PRXL2B: variants seen among roughly 807,000 people sequenced by gnomAD.
PRXL2B encodes peroxiredoxin like 2B.
In PRXL2B, 26 loss-of-function variants were observed where a neutral mutation model predicts 24.4. That is an observed-to-expected ratio of 1.07 (90% CI 0.78 to 1.48). The LOEUF is 1.48. Ranked by LOEUF, PRXL2B falls within the 40% of genes most tolerant of loss-of-function variation. The pLI is 0.00. For missense variants in PRXL2B, 269 were observed against 264.8 expected, an observed-to-expected ratio of 1.02 and a Z score of -0.11; for synonymous variants, 115 against 118.9, an observed-to-expected ratio of 0.97 and a Z score of 0.21.
At chr1:2,588,726 G>A in intron 5 of PRXL2B, 101 bp downstream of exon 5, 1 of 1,358,760 alleles carries the variant, frequency 7.4e-7, no homozygotes, top group Non-Finnish European at 1.0e-6. Context: ...TCTCATCACA[G>A]CCCCTCCGCC....
At position 2,590,145 on chromosome 1, in the gene PRXL2B, C is replaced by G. The variant is rs1644645320; in HGVS notation, c.*718C>G. 2 of 152,608 alleles carry G rather than the reference C, an allele frequency of 1.3e-5. No individual in the cohort carries two copies. The highest frequency in any genetic ancestry group is 1.3e-4 in the Admixed American group (2 of 15,294). The allele number at this position is 152,608 out of a possible 1,614,324, so 9.5% of individuals were successfully genotyped here. A position where few individuals can be genotyped will look rare whatever the true frequency, so the allele number is the denominator to read the frequency against. On this transcript the variant is annotated 3_prime_UTR_variant, in exon 7 of 7. Coordinates refer to ENST00000419916, the MANE Select transcript of PRXL2B (RefSeq NM_152371.5). ...CCCCTTACCTCCCAGGTCAGACTAC[C>G]TGCTCAGGCCCTCCCCTCCCATGCA...
At position 2,587,152 on chromosome 1, in the gene PRXL2B, T is replaced by A; in HGVS notation, c.125T>A (p.Phe42Tyr). The change falls in exon 2 of 7, where the codon TTC (phenylalanine) becomes TAC (tyrosine). Residue 42 changes from phenylalanine (F) to tyrosine (Y), a missense_variant. Coordinates refer to ENST00000419916, the MANE Select transcript of PRXL2B (RefSeq NM_152371.5). The surrounding 1 kb of genome is among the most constrained non-coding windows in gnomAD (Gnocchi z 6.1). ...HACVVAGLRR[F>Y]GCVVCRWIAQ... ...TGCGTGGTGGCCGGGCTGCGGCGCT[T>A]CGGGTGCGTGGTGTGCCGCTGGATC... is the stretch of plus-strand genomic sequence containing the variant. 1 of 1,546,120 alleles carries A rather than the reference T, an allele frequency of 6.5e-7. No individual in the cohort carries two copies. Among genetic ancestry groups the A allele is most frequent in the South Asian group, 1.2e-5 (1 of 84,872 alleles).
intron 3 of PRXL2B, 120 bp from the exon 4 acceptor site, chr1:2,588,270 C>T (rs1644576313): frequency 2.3e-6 from 3 of 1,291,948 alleles, no homozygotes; most frequent in Non-Finnish European, 3.2e-6. Flanking sequence ...CATCTCTGAG[C>T]CCTGGTGAGG....
Position 2,589,851 on chromosome 1 carries a change from A to G in PRXL2B, c.*424A>G, listed in dbSNP as rs1469873509. On this transcript the variant is annotated 3_prime_UTR_variant, in exon 7 of 7. Transcript: ENST00000419916. ...GGTCAGCTCCAGCAGGGTCGGGGTC[A>G]GTGCCTGTGTCTGGTGGGGGCCACT... 1 of 217,950 alleles carries G rather than the reference A, an allele frequency of 4.6e-6. No individual in the cohort carries two copies. Among genetic ancestry groups the G allele is most frequent in the Non-Finnish European group, 9.1e-6 (1 of 110,152 alleles). 13.5% of individuals were successfully genotyped at this position (217,950 alleles called of 1,614,324 possible). A position where few individuals can be genotyped will look rare whatever the true frequency, so the allele number is the denominator to read the frequency against.
chr1:2,591,085 G>T lies in PRXL2B; in HGVS notation c.*1658G>T. Reference sequence around the variant, plus strand: ...GCGGCCAGGTTCTGCAGCGACCCCAGTACCCTGTGGGTGGGTGGGTGTGAC... The same window carrying T: ...GCGGCCAGGTTCTGCAGCGACCCCATTACCCTGTGGGTGGGTGGGTGTGAC... On this transcript the variant is annotated 3_prime_UTR_variant, in exon 7 of 7. Coordinates refer to ENST00000419916, the MANE Select transcript of PRXL2B (RefSeq NM_152371.5). 1 of 1,584,040 alleles carries T rather than the reference G, an allele frequency of 6.3e-7. No individual in the cohort carries two copies. Among genetic ancestry groups the T allele is most frequent in the Non-Finnish European group, 8.6e-7 (1 of 1,165,876 alleles).
Position 2,591,336 on chromosome 1 carries a change from T to TCGCA in PRXL2B, c.*1910_*1913dup, listed in dbSNP as rs1644698438. ...AAAACTCTCCTTCACACAGAAACAT[T>TCGCA]CGCAGCCTGCGGTAGGCTCCCCCTT... is the stretch of plus-strand genomic sequence containing the variant. On this transcript the variant is annotated 3_prime_UTR_variant, in exon 7 of 7. Transcript: ENST00000419916. The TCGCA allele has an allele frequency of 8.3e-6, 5 of 600,010 alleles. No individual in the cohort carries two copies. Among genetic ancestry groups the TCGCA allele is most frequent in the Non-Finnish European group, 1.5e-5 (5 of 338,242 alleles). The allele number at this position is 600,010 out of a possible 1,614,324, so 37.2% of individuals were successfully genotyped here.
rs760460658 is a variant in PRXL2B, at chr1:2,587,449, C to T, written c.268+154C>T. 6.6e-6 allele frequency among the ~76,000 whole-genome samples: 1 copy of T among 152,114 alleles called. No homozygotes were observed. Among genetic ancestry groups the T allele is most frequent in the Non-Finnish European group, 1.5e-5 (1 of 68,020 alleles). ...TCCCTCATCTCTCCCTGCCTCCCCG[C>T]CCCGCAGCTGGTGGCTGGGTGGTGC... On this transcript the variant is annotated intron_variant, in intron 2 of 6. Coordinates refer to ENST00000419916, the MANE Select transcript of PRXL2B (RefSeq NM_152371.5). This position sits in a 1 kb window ranked among gnomAD's most constrained non-coding sequence, Gnocchi z 6.1.
Position 2,591,061 on chromosome 1 carries a change from C to T in PRXL2B, c.*1634C>T, listed in dbSNP as rs767687916. The T allele has an allele frequency of 2.7e-5, 44 of 1,605,334 alleles. No homozygotes were observed. The highest frequency in any genetic ancestry group is 1.5e-4 in the Admixed American group (9 of 58,858). On this transcript the variant is annotated 3_prime_UTR_variant, in exon 7 of 7. Transcript: ENST00000419916. ...GCACAGTGGAACGTGTCTGCGAAGG[C>T]GGCCAGGTTCTGCAGCGACCCCAGT... is the stretch of plus-strand genomic sequence containing the variant.
At chr1:2,589,296 C>T in intron 6 of PRXL2B, 114 bp from the exon 7 acceptor site, 1 of 1,460,416 alleles carries the variant, frequency 6.8e-7, no homozygotes, top group Non-Finnish European at 9.3e-7. Flanking sequence ...GGGTGGCGGG[C>T]AGAGAGGCGT....
chr1:2,588,842 C>T, intron 5 of PRXL2B, 80 bp from the exon 6 acceptor site: 1 of 1,432,502 alleles, frequency 7.0e-7, no homozygotes, highest in Non-Finnish European at 9.8e-7. Context: ...CAGGGCTGCC[C>T]TACCCTCCCT....
rs758169588 is a variant in PRXL2B at position 2,587,251 on chromosome 1, C to T, written c.224C>T (p.Ala75Val). The change falls in exon 2 of 7, where the codon GCC becomes GTC. Residue 75 changes from alanine to valine, a missense_variant. Physicochemically the swap from Ala to Val is moderately conservative, Grantham distance 64. Transcript: ENST00000419916. The surrounding 1 kb of genome is among the most constrained non-coding windows in gnomAD (Gnocchi z 6.1). ...CGCCTGGTGGGCGTAGGGCCCGAGGCCCTGGGTCTGCAGGAGTTCCTGGAC... is the reference window on the plus strand; with the variant it reads ...CGCCTGGTGGGCGTAGGGCCCGAGGTCCTGGGTCTGCAGGAGTTCCTGGAC... ...GVRLVGVGPE[A>V]LGLQEFLDGD... 8 of 1,578,282 alleles carry T rather than the reference C, an allele frequency of 5.1e-6. No individual in the cohort carries two copies. The highest frequency in any genetic ancestry group is 6.0e-6 in the Non-Finnish European group (7 of 1,168,418).
chr1:2,591,044 G>C lies in PRXL2B; in HGVS notation c.*1617G>C. The C allele has an allele frequency of 6.2e-7, 1 of 1,606,998 alleles. No individual in the cohort carries two copies. Among genetic ancestry groups the C allele is most frequent in the Non-Finnish European group, 8.5e-7 (1 of 1,177,480 alleles). The stretch of plus-strand genomic sequence containing the variant: ...GCATGGGGGTGCCCCGGGCACAGTG[G>C]AACGTGTCTGCGAAGGCGGCCAGGT... On this transcript the variant is annotated 3_prime_UTR_variant, in exon 7 of 7. Transcript: ENST00000419916.
At position 2,589,630 on chromosome 1, in the gene PRXL2B, G is replaced by A; in HGVS notation, c.*203G>A. 1 of 683,208 alleles carries A rather than the reference G, an allele frequency of 1.5e-6. No homozygotes were observed. The highest frequency in any genetic ancestry group is 2.5e-6 in the Non-Finnish European group (1 of 404,832). 42.3% of individuals were successfully genotyped at this position (683,208 alleles called of 1,614,324 possible). On this transcript the variant is annotated 3_prime_UTR_variant, in exon 7 of 7. Transcript: ENST00000419916. Reference sequence around the variant, plus strand: ...GGCTCCGAGCCCTGCATCCTCCACAGCCCCCGCCTTGCTCACTGTTGGGCC... The same window carrying A: ...GGCTCCGAGCCCTGCATCCTCCACAACCCCCGCCTTGCTCACTGTTGGGCC...
rs1185997291 is a variant in PRXL2B at position 2,589,410 on chromosome 1, T to C, written c.580T>C (p.Cys194Arg). The change falls in exon 7 of 7, where the codon TGT (cysteine) becomes CGT (arginine). Residue 194 changes from cysteine (C) to arginine (R), a missense_variant and splice_region_variant. Cys to Arg is a radical substitution (Grantham distance 180). Transcript: ENST00000419916. ...AEVCASDPPQ[C>R]DREV ...CCATGGGACCCTGCTGTCCCCACAGTGTGACAGAGAGGTGTGAGGGAGGCG... is the reference window on the plus strand; with the variant it reads ...CCATGGGACCCTGCTGTCCCCACAGCGTGACAGAGAGGTGTGAGGGAGGCG... 1.2e-6 allele frequency: 2 copies of C among 1,613,334 alleles called. No individual in the cohort carries two copies. The highest frequency in any genetic ancestry group is 1.7e-6 in the Non-Finnish European group (2 of 1,179,750).
Position 2,591,326 on chromosome 1 carries a change from A to G in PRXL2B, c.*1899A>G. 1 of 599,558 alleles carries G rather than the reference A, an allele frequency of 1.7e-6. No individual in the cohort carries two copies. The highest frequency in any genetic ancestry group is 3.0e-6 in the Non-Finnish European group (1 of 337,950). 37.1% of individuals were successfully genotyped at this position (599,558 alleles called of 1,614,324 possible). On this transcript the variant is annotated 3_prime_UTR_variant, in exon 7 of 7. Transcript: ENST00000419916. Reference sequence around the variant, plus strand: ...ACTCTGCAATAAAACTCTCCTTCACACAGAAACATTCGCAGCCTGCGGTAG... The same window carrying G: ...ACTCTGCAATAAAACTCTCCTTCACGCAGAAACATTCGCAGCCTGCGGTAG...
rs1374579460 is a variant in PRXL2B at position 2,590,031 on chromosome 1, C to G, written c.*604C>G. 6.5e-6 allele frequency: 1 copy of G among 153,016 alleles called. No individual in the cohort carries two copies. Among genetic ancestry groups the G allele is most frequent in the African/African-American group, 2.4e-5 (1 of 41,442 alleles). 9.5% of individuals were successfully genotyped at this position (153,016 alleles called of 1,614,324 possible). On this transcript the variant is annotated 3_prime_UTR_variant, in exon 7 of 7. Transcript: ENST00000419916. ...CACCTGCTGGGTATGGCCTTTGGGG[C>G]GGCCGGCCCGGGAGGGTCTTAGTCT...
In PRXL2B at chr1:2,591,019, G is replaced by A. The variant is rs374880430; in HGVS notation, c.*1592G>A. On this transcript the variant is annotated 3_prime_UTR_variant, in exon 7 of 7. Coordinates refer to ENST00000419916, the MANE Select transcript of PRXL2B (RefSeq NM_152371.5). Reference sequence around the variant, plus strand: ...CACACGCGGCATCGCTCCTTGGGGTGCATGGGGGTGCCCCGGGCACAGTGG... The same window carrying A: ...CACACGCGGCATCGCTCCTTGGGGTACATGGGGGTGCCCCGGGCACAGTGG... The A allele has an allele frequency of 1.2e-6, 2 of 1,604,128 alleles. No individual in the cohort carries two copies. Among genetic ancestry groups the A allele is most frequent in the African/African-American group, 1.3e-5 (1 of 74,656 alleles).
Position 2,590,956 on chromosome 1 carries a change from T to A in PRXL2B, c.*1529T>A. ...CGCACAGATGCCTCCGAGCAGCGGG[T>A]GGGCGTGGGCCGCACAGCGCGGCAG... On this transcript the variant is annotated 3_prime_UTR_variant, in exon 7 of 7. Coordinates refer to ENST00000419916, the MANE Select transcript of PRXL2B (RefSeq NM_152371.5). 1 of 1,447,812 alleles carries A rather than the reference T, an allele frequency of 6.9e-7. No homozygotes were observed. Among genetic ancestry groups the A allele is most frequent in the Non-Finnish European group, 9.2e-7 (1 of 1,091,384 alleles). 89.7% of individuals were successfully genotyped at this position (1,447,812 alleles called of 1,614,324 possible). A position where few individuals can be genotyped will look rare whatever the true frequency, so the allele number is the denominator to read the frequency against.
chr1:2,586,600 G>T, upstream of PRXL2B: 1 of 601,210 alleles, frequency 1.7e-6, no homozygotes, highest in Non-Finnish European at 2.4e-6. Context: ...GAGTAGGAGG[G>T]GAAACAAGGC....
Sources: gnomAD v4.1 joint callset for allele counts (sites outside exome capture counted in the v4.1 genomes callset) on GRCh38, gnomAD v4.1.1 for gene constraint, Gnocchi (gnomAD v3.1) non-coding constraint, MANE v1.5 for transcripts, NCBI Gene and HGNC (gene_info 2026-07-23, HGNC 2026-07-21) for gene names.